Variants in PTPN4 observed in about 807,000 individuals in gnomAD.
PTPN4 encodes protein tyrosine phosphatase non-receptor type 4.
PTPN4 carries 49 observed loss-of-function variants against 135.5 expected under a neutral mutation model. That is an observed-to-expected ratio of 0.36 (90% confidence interval 0.29 to 0.46). The LOEUF is 0.46. Among genes scored for constraint, PTPN4 ranks in the 20% least tolerant of loss-of-function variants. The pLI, the probability that PTPN4 is intolerant of heterozygous loss-of-function variation, is 1.00. For missense variants in PTPN4, 860 were observed against 1,101.0 expected (o/e 0.78, Z 3.10); for synonymous variants, 333 against 369.9 (o/e 0.90, Z 1.14).
intron 3 of PTPN4, among the ~76,000 whole-genome samples, chr2:119,869,692 G>C (rs542317701): frequency 1.8e-4 from 28 of 152,160 alleles, no homozygotes; most frequent in Non-Finnish European, 3.5e-4. Flanking sequence ...AGCCCTTGCA[G>C]TTTTTGTTTT....
intron 2 of PTPN4, among the ~76,000 whole-genome samples, chr2:119,853,185 T>C (rs1309991765): frequency 2.6e-5 from 4 of 152,218 alleles, no homozygotes; most frequent in Non-Finnish European, 5.9e-5. Flanking sequence ...ATTTTCTTTT[T>C]TACATCTTTG....
chr2:119,962,083 CT>C (rs1386328287), intron 23 of PTPN4, among the ~76,000 whole-genome samples: 3 of 152,072 alleles, frequency 2.0e-5, no homozygotes, highest in Non-Finnish European at 4.4e-5. Context: ...TTTAAAAAAT[CT>C]TAAGATTTAA....
Position 119,965,547 on chromosome 2 carries a change from C to T in PTPN4, c.2460C>T (p.Asp820=). Residue 820 remains aspartate (D), a synonymous_variant, in exon 25 of 27, where the codon GAC becomes GAT. Transcript: ENST00000263708. ...LTQIQYIAWP[D]HGVPDDSSDF... is the part of the protein sequence containing the mutation. ...AGATCCAGTACATAGCCTGGCCTGA[C>T]CATGGAGTCCCTGATGATTCGAGTG... The T allele has an allele frequency of 6.2e-7, 1 of 1,613,548 alleles. No homozygotes were observed. Among genetic ancestry groups the T allele is most frequent in the Non-Finnish European group, 8.5e-7 (1 of 1,179,456 alleles).
chr2:119,820,972 T>C (rs145127661), intron 2 of PTPN4, among the ~76,000 whole-genome samples: 5 of 151,974 alleles, frequency 3.3e-5, no homozygotes, highest in East Asian at 1.9e-4. Context: ...TTTGAAAATA[T>C]TTATCCTGAA....
At chr2:119,790,078 T>C (rs1691117333) in intron 1 of PTPN4, among the ~76,000 whole-genome samples, 1 of 152,180 alleles carries the variant, frequency 6.6e-6, no homozygotes, top group African/African-American at 2.4e-5. Flanking sequence ...TAACATACTT[T>C]GCATGATTTC....
intron 12 of PTPN4, among the ~76,000 whole-genome samples, chr2:119,924,648 A>G (rs1678793330): frequency 6.6e-6 from 1 of 152,180 alleles, no homozygotes; most frequent in African/African-American, 2.4e-5. Context: ...TGTTGTAATG[A>G]TAATACTAAA....
chr2:119,805,098 C>A (rs573601717), intron 1 of PTPN4, among the ~76,000 whole-genome samples: 1 of 152,114 alleles, frequency 6.6e-6, no homozygotes, highest in Non-Finnish European at 1.5e-5. Flanking sequence ...TGAGAAGTGT[C>A]TGTTCATATC....
intron 9 of PTPN4, among the ~76,000 whole-genome samples, chr2:119,898,243 ATT>A (rs1335720223): frequency 2.6e-5 from 4 of 152,300 alleles, no homozygotes; most frequent in Non-Finnish European, 5.9e-5. Context: ...GGCTAATAAA[ATT>A]TTTACTGAGA....
At chr2:119,886,281 G>A (rs1271401726) in intron 9 of PTPN4, among the ~76,000 whole-genome samples, 1 of 152,068 alleles carries the variant, frequency 6.6e-6, no homozygotes, top group African/African-American at 2.4e-5. Context: ...TCATTTAAAA[G>A]CACTATTACG....
intron 12 of PTPN4, among the ~76,000 whole-genome samples, chr2:119,921,620 C>CTT (rs35311873): frequency 2.9e-3 from 422 of 144,542 alleles, no homozygotes; most frequent in Non-Finnish European, 3.5e-3. Flanking sequence ...CGTTTAACTC[C>CTT]TTTTTTTTTT....
At chr2:119,772,823 G>A (rs1419524859) in intron 1 of PTPN4, among the ~76,000 whole-genome samples, 1 of 152,206 alleles carries the variant, frequency 6.6e-6, no homozygotes, top group African/African-American at 2.4e-5. Flanking sequence ...ACAGGCGTGA[G>A]CCACCGTGCC....
chr2:119,808,562 C>T (rs541326977), intron 1 of PTPN4, among the ~76,000 whole-genome samples: 12 of 152,204 alleles, frequency 7.9e-5, no homozygotes, highest in African/African-American at 2.9e-4. Flanking sequence ...CACTGCTCAA[C>T]GATGTAAAAG....
At chr2:119,964,672 G>C (rs924651397) in intron 24 of PTPN4, among the ~76,000 whole-genome samples, 3 of 152,156 alleles carry the variant, frequency 2.0e-5, no homozygotes, top group African/African-American at 7.2e-5. Flanking sequence ...TATAGAAATT[G>C]AGTTATAAAA....
At chr2:119,842,746 G>GT (rs1677400064) in intron 2 of PTPN4, among the ~76,000 whole-genome samples, 1 of 152,142 alleles carries the variant, frequency 6.6e-6, no homozygotes, top group Admixed American at 6.6e-5. Context: ...TCTCCCAGCG[G>GT]CCCAATGGTA....
Position 119,913,646 on chromosome 2 carries a change from G to A in PTPN4, c.765-1533G>A, listed in dbSNP as rs537038846. On this transcript the variant is annotated intron_variant, in intron 10 of 26. Coordinates refer to ENST00000263708, the MANE Select transcript of PTPN4 (RefSeq NM_002830.4). ...CTGTAATAGGATACATTTTAAGATG[G>A]CAAAGGCAAACCTTAAACTGAAATG... 5.3e-5 allele frequency among the ~76,000 whole-genome samples: 8 copies of A among 152,198 alleles called. No individual in the cohort carries two copies. The South Asian group carries it at 1.7e-3, about 32-fold the overall frequency.
intron 2 of PTPN4, among the ~76,000 whole-genome samples, chr2:119,847,070 G>A (rs1403416818): frequency 6.7e-6 from 1 of 150,140 alleles, no homozygotes; most frequent in Admixed American, 6.6e-5. Flanking sequence ...CATTTCTGGT[G>A]CTTTTCATTT....
chr2:119,948,915 T>A (rs181140233), intron 18 of PTPN4, among the ~76,000 whole-genome samples: 2 of 152,310 alleles, frequency 1.3e-5, no homozygotes, highest in East Asian at 3.9e-4. Flanking sequence ...TTTTTTTAAT[T>A]GTCTGGATCA....
At chr2:119,947,475 A>C (rs1679152339) in intron 18 of PTPN4, among the ~76,000 whole-genome samples, 1 of 152,210 alleles carries the variant, frequency 6.6e-6, no homozygotes, top group African/African-American at 2.4e-5. Flanking sequence ...GCATGAGCAT[A>C]AACACAGAAT....
chr2:119,878,838 A>G (rs550762997), intron 5 of PTPN4, among the ~76,000 whole-genome samples: 1 of 152,070 alleles, frequency 6.6e-6, no homozygotes, highest in African/African-American at 2.4e-5. Flanking sequence ...TCACGCCTGT[A>G]ATCCCAGCAC....
Sources: allele counts gnomAD v4.1 joint callset (sites outside exome capture counted in the v4.1 genomes callset), GRCh38; gene constraint gnomAD v4.1.1; transcripts MANE v1.5; gene names NCBI Gene and HGNC (gene_info 2026-07-23, HGNC 2026-07-21).